GALNT10: variants seen among roughly 807,000 people sequenced by gnomAD.
The protein encoded by GALNT10 is GalNAc transferase 10.
In GALNT10, 41 loss-of-function variants were observed where a neutral mutation model predicts 75.0. That is an observed-to-expected ratio of 0.55 (90% CI 0.43 to 0.71). GALNT10 has a LOEUF of 0.71. Ranked by LOEUF, GALNT10 falls within the 30% of genes least tolerant of loss-of-function variation. The pLI is 0.00. For missense variants in GALNT10, 727 were observed against 818.5 expected, an observed-to-expected ratio of 0.89 and a Z score of 1.36; for synonymous variants, 302 against 313.0, an observed-to-expected ratio of 0.96 and a Z score of 0.37.
intron 1 of GALNT10, chr5:154,217,874 C>A: frequency 3.2e-6 from 1 of 310,054 alleles, no homozygotes; most frequent in Non-Finnish European, 4.7e-6. Context: ...TCAAAAATAG[C>A]TATTAATTTT....
At chr5:154,407,171 A>G (rs933795822) in intron 8 of GALNT10, among the ~76,000 whole-genome samples, 3 of 152,224 alleles carry the variant, frequency 2.0e-5, no homozygotes, top group Non-Finnish European at 4.4e-5. Context: ...CCAAGGATCC[A>G]GGCAAATCTC....
chr5:154,351,172 T>C (rs1166932308), intron 4 of GALNT10, among the ~76,000 whole-genome samples: 1 of 152,266 alleles, frequency 6.6e-6, no homozygotes, highest in Non-Finnish European at 1.5e-5. Flanking sequence ...ACCTTGTTTA[T>C]TCCTCATTAC....
intron 8 of GALNT10, among the ~76,000 whole-genome samples, chr5:154,404,888 A>G (rs1756241797): frequency 6.6e-6 from 1 of 152,216 alleles, no homozygotes; most frequent in Non-Finnish European, 1.5e-5. Context: ...AATGGTTTCT[A>G]TCAATCATTG....
At chr5:154,326,727 A>G (rs1021107447) in intron 3 of GALNT10, among the ~76,000 whole-genome samples, 1 of 152,176 alleles carries the variant, frequency 6.6e-6, no homozygotes, top group Non-Finnish European at 1.5e-5. Context: ...AGGGATTGCT[A>G]GCAGCTAGCT....
chr5:154,386,239 G>T, intron 6 of GALNT10, 74 bp from the exon 7 acceptor site: 1 of 1,033,262 alleles, frequency 9.7e-7, no homozygotes, highest in Non-Finnish European at 1.5e-6. Context: ...CTGGGGGAAT[G>T]GCATTATCGG....
chr5:154,241,446 A>G (rs1753336349), intron 1 of GALNT10, among the ~76,000 whole-genome samples: 1 of 152,214 alleles, frequency 6.6e-6, no homozygotes. Context: ...AGATAACCAT[A>G]GTTGCATTGC....
chr5:154,327,954 C>T lies in GALNT10; in HGVS notation c.402-1618C>T, dbSNP rs568257301. 1.1e-4 allele frequency among the ~76,000 whole-genome samples: 16 copies of T among 151,954 alleles called. No homozygotes were observed. In the South Asian group the frequency reaches 3.3e-3, roughly 32 times the overall value. ...GCTTATAGATCTAACTACCAGTTTA[C>T]AAGAACTAAAGGGGGACAGACAGAG... On this transcript the variant is annotated intron_variant, in intron 3 of 11. Coordinates refer to ENST00000297107, the MANE Select transcript of GALNT10 (RefSeq NM_198321.4).
intron 5 of GALNT10, among the ~76,000 whole-genome samples, chr5:154,377,043 A>G (rs1399841179): frequency 6.6e-6 from 1 of 152,210 alleles, no homozygotes; most frequent in Admixed American, 6.5e-5. Context: ...TCGCAGTTCT[A>G]CATTGCCTCC....
chr5:154,287,900 G>GTGTA (rs1441259266), intron 1 of GALNT10, among the ~76,000 whole-genome samples: 32 of 140,992 alleles, frequency 2.3e-4, no homozygotes, highest in African/African-American at 8.4e-4. Context: ...CTGTGTGTGT[G>GTGTA]TGTGTGTGTG....
intron 4 of GALNT10, chr5:154,356,088 T>C (rs1236366081): frequency 4.4e-6 from 2 of 455,204 alleles, no homozygotes; most frequent in African/African-American, 2.0e-5. Context: ...CAAATTGAAT[T>C]CATTTCATCT....
intron 1 of GALNT10, among the ~76,000 whole-genome samples, chr5:154,227,517 TA>T (rs1753082674): frequency 6.6e-6 from 1 of 152,248 alleles, no homozygotes; most frequent in Non-Finnish European, 1.5e-5. Flanking sequence ...GGTTTCTTAT[TA>T]CTGAATTTTG....
rs886432194 is a variant in GALNT10 at position 154,409,171 on chromosome 5, C to T, written c.1165-370C>T. On this transcript the variant is annotated intron_variant, in intron 8 of 11. Coordinates refer to ENST00000297107, the MANE Select transcript of GALNT10 (RefSeq NM_198321.4). This position sits in a 1 kb window ranked among gnomAD's most constrained non-coding sequence, Gnocchi z 4.5. ...GGGTCTGCTGTTTGACCAGCCCCTG[C>T]ACCGGGGGCGCCTGTATTCACATTA... Among the ~76,000 whole-genome samples, 4 of 152,214 alleles carry T rather than the reference C, an allele frequency of 2.6e-5. No individual in the cohort carries two copies. The highest frequency in any genetic ancestry group is 4.4e-5 in the Non-Finnish European group (3 of 68,042).
At chr5:154,202,717 A>G (rs1775044198) in intron 1 of GALNT10, among the ~76,000 whole-genome samples, 1 of 152,214 alleles carries the variant, frequency 6.6e-6, no homozygotes, top group Admixed American at 6.5e-5. Flanking sequence ...TTCTTGGCAC[A>G]CGAGCAGAGT....
intron 1 of GALNT10, among the ~76,000 whole-genome samples, chr5:154,248,023 G>C (rs964068450): frequency 5.3e-5 from 8 of 152,130 alleles, no homozygotes; most frequent in Non-Finnish European, 1.0e-4. Flanking sequence ...TAGCATGAAG[G>C]GCTGTTGAAT....
chr5:154,342,588 A>G (rs1487253623), intron 4 of GALNT10, among the ~76,000 whole-genome samples: 1 of 152,228 alleles, frequency 6.6e-6, no homozygotes, highest in Non-Finnish European at 1.5e-5. Flanking sequence ...CAGGCATGGC[A>G]GGTCACTAAG....
intron 3 of GALNT10, among the ~76,000 whole-genome samples, chr5:154,327,210 T>C (rs2113114608): frequency 1.0e-5 from 1 of 95,900 alleles, no homozygotes; most frequent in Admixed American, 1.3e-4. Context: ...ATTGAGACCC[T>C]GTCTCAAAAA....
At chr5:154,358,307 G>A (rs572265106) in intron 4 of GALNT10, among the ~76,000 whole-genome samples, 5 of 149,746 alleles carry the variant, frequency 3.3e-5, no homozygotes, top group Non-Finnish European at 7.4e-5. Flanking sequence ...TCCAAGGCTG[G>A]TGCCATTTCT....
intron 8 of GALNT10, chr5:154,406,107 A>G (rs1003517477): frequency 2.0e-5 from 3 of 152,046 alleles, no homozygotes; most frequent in African/African-American, 7.2e-5. Context: ...CGATGGAAAC[A>G]TTAAGTAACT....
chr5:154,242,641 C>T (rs868699052), intron 1 of GALNT10, among the ~76,000 whole-genome samples: 1 of 152,160 alleles, frequency 6.6e-6, no homozygotes, highest in African/African-American at 2.4e-5. Flanking sequence ...GCTCAATGAC[C>T]GTGGGCACTT....
Sources: allele counts gnomAD v4.1 joint callset (sites outside exome capture counted in the v4.1 genomes callset), GRCh38; gene constraint gnomAD v4.1.1; non-coding constraint Gnocchi (gnomAD v3.1); transcripts MANE v1.5; gene names NCBI Gene and HGNC (gene_info 2026-07-23, HGNC 2026-07-21).